Variants in PCDH15 observed in about 807,000 individuals in gnomAD.
The protein encoded by PCDH15 is protocadherin-15.
PCDH15 carries 129 observed loss-of-function variants against 178.5 expected under a neutral mutation model. The ratio of observed to expected loss-of-function variants is 0.72; its 90% CI spans 0.63 to 0.84. The LOEUF (loss-of-function observed/expected upper bound fraction) is 0.84. Among genes scored for constraint, PCDH15 ranks in the 40% least tolerant of loss-of-function variants. The pLI, the probability that PCDH15 is intolerant of heterozygous loss-of-function variation, is 0.00. For missense variants in PCDH15, 2,230 were observed against 2,099.9 expected (o/e 1.06, Z -1.21); for synonymous variants, 800 against 732.0 (o/e 1.09, Z -1.50).
intron 2 of PCDH15, among the ~76,000 whole-genome samples, chr10:54,529,107 A>G (rs1320786485): frequency 6.6e-6 from 1 of 151,914 alleles, no homozygotes; most frequent in Non-Finnish European, 1.5e-5. Flanking sequence ...GCCATTTATT[A>G]TGTACATATA....
chr10:55,585,580 G>A (rs1842710715), intron 2 of PCDH15, among the ~76,000 whole-genome samples: 1 of 152,038 alleles, frequency 6.6e-6, no homozygotes, highest in Admixed American at 6.6e-5. Context: ...GGAGGCTGAG[G>A]CAGGAGAATC....
At chr10:54,248,889 T>C (rs917658341) in intron 8 of PCDH15, among the ~76,000 whole-genome samples, 18 of 152,006 alleles carry the variant, frequency 1.2e-4, no homozygotes, top group Admixed American at 3.3e-4. Flanking sequence ...TAGAAAATCA[T>C]CTAGAGACAT....
At chr10:54,766,165 C>A (rs1346438202) in intron 1 of PCDH15, among the ~76,000 whole-genome samples, 1 of 151,846 alleles carries the variant, frequency 6.6e-6, no homozygotes, top group Non-Finnish European at 1.5e-5. Context: ...ATGAGTAATA[C>A]GTTTAAATTT....
intron 3 of PCDH15, among the ~76,000 whole-genome samples, chr10:54,425,919 AAT>A (rs1956221897): frequency 6.6e-6 from 1 of 152,236 alleles, no homozygotes; most frequent in Non-Finnish European, 1.5e-5. Flanking sequence ...ATTGGACCAG[AAT>A]AGTCACAGCA....
At chr10:54,948,311 C>G (rs1485475031) in intron 2 of PCDH15, among the ~76,000 whole-genome samples, 2 of 151,954 alleles carry the variant, frequency 1.3e-5, no homozygotes, top group Non-Finnish European at 2.9e-5. Context: ...TCAAAGCAGT[C>G]AGACAAGAGG....
chr10:55,215,967 A>G (rs773745417), intron 1 of PCDH15, among the ~76,000 whole-genome samples: 35 of 151,974 alleles, frequency 2.3e-4, no homozygotes, highest in Admixed American at 6.6e-4. Context: ...TTAAGAAGAG[A>G]TATTAAGAGC....
intron 15 of PCDH15, among the ~76,000 whole-genome samples, chr10:54,116,195 A>T (rs960147791): frequency 6.6e-6 from 1 of 151,320 alleles, no homozygotes; most frequent in African/African-American, 2.4e-5. Context: ...GGGTTGAGTA[A>T]GATGAGAAAT....
intron 2 of PCDH15, among the ~76,000 whole-genome samples, chr10:54,967,228 C>A (rs1419799065): frequency 6.6e-6 from 1 of 151,972 alleles, no homozygotes; most frequent in Non-Finnish European, 1.5e-5. Flanking sequence ...ATGGGATCAA[C>A]TTCATATATG....
chr10:55,359,741 T>TAC (rs1420155579), intron 2 of PCDH15, among the ~76,000 whole-genome samples: 2 of 117,742 alleles, frequency 1.7e-5, no homozygotes, highest in Non-Finnish European at 3.7e-5. Context: ...TATATATATA[T>TAC]ATATATACAC....
intron 3 of PCDH15, among the ~76,000 whole-genome samples, chr10:54,412,491 C>T (rs544012588): frequency 6.6e-6 from 1 of 152,198 alleles, no homozygotes; most frequent in African/African-American, 2.4e-5. Context: ...ACCAAGACAT[C>T]TCTGTTCTCT....
chr10:54,707,452 T>C (rs2095376838), intron 1 of PCDH15, among the ~76,000 whole-genome samples: 2 of 152,278 alleles, frequency 1.3e-5, no homozygotes, highest in African/African-American at 4.8e-5. Flanking sequence ...ACTACTTCTG[T>C]CCAGTTTGCC....
chr10:55,216,031 T>C (rs1221172206), intron 1 of PCDH15, among the ~76,000 whole-genome samples: 1 of 151,938 alleles, frequency 6.6e-6, no homozygotes, highest in East Asian at 1.9e-4. Context: ...GTTACTTACA[T>C]GTATTATCTA....
At chr10:55,065,207 T>C (rs1343227623) in intron 2 of PCDH15, among the ~76,000 whole-genome samples, 1 of 152,026 alleles carries the variant, frequency 6.6e-6, no homozygotes, top group Non-Finnish European at 1.5e-5. Context: ...AAATAAAGTT[T>C]CCTGTCTATA....
chr10:53,808,615 C>T, intron 37 of PCDH15: 1 of 1,509,466 alleles, frequency 6.6e-7, no homozygotes. Flanking sequence ...TTTCAAGTGT[C>T]ACTTTGGAGA....
intron 2 of PCDH15, among the ~76,000 whole-genome samples, chr10:55,539,766 C>G (rs899838738): frequency 6.6e-6 from 1 of 151,958 alleles, no homozygotes; most frequent in African/African-American, 2.4e-5. Flanking sequence ...TATTTTAATA[C>G]AGTTAATTTT....
chr10:54,433,861 A>T (rs909267641), intron 3 of PCDH15, among the ~76,000 whole-genome samples: 15 of 152,136 alleles, frequency 9.9e-5, no homozygotes, highest in African/African-American at 3.6e-4. Flanking sequence ...AAAAATATTT[A>T]AAAATTTACT....
chr10:54,097,099 A>G (rs1468855196), intron 15 of PCDH15, among the ~76,000 whole-genome samples: 1 of 152,208 alleles, frequency 6.6e-6, no homozygotes, highest in Non-Finnish European at 1.5e-5. Flanking sequence ...CTGACAGAGC[A>G]TATCAACAAC....
chr10:55,520,044 A>G (rs1042242962), intron 2 of PCDH15, among the ~76,000 whole-genome samples: 3 of 146,152 alleles, frequency 2.1e-5, no homozygotes, highest in Admixed American at 7.0e-5. Context: ...CCATATATAT[A>G]CATATATATA....
intron 4 of PCDH15, among the ~76,000 whole-genome samples, chr10:54,378,074 T>A (rs1419262425): frequency 1.3e-5 from 2 of 151,818 alleles, no homozygotes; most frequent in Non-Finnish European, 2.9e-5. Context: ...CAGGCACGTG[T>A]TACCATGCCT....
Sources: allele counts gnomAD v4.1 joint callset (sites outside exome capture counted in the v4.1 genomes callset), GRCh38; gene constraint gnomAD v4.1.1; transcripts MANE v1.5; gene names NCBI Gene and HGNC (gene_info 2026-07-23, HGNC 2026-07-21).